SCMH1: variants seen among roughly 807,000 people sequenced by gnomAD.
SCMH1 encodes Scm polycomb group protein homolog 1, also known as polycomb protein SCMH1.
In SCMH1, 37 loss-of-function variants were observed where a neutral mutation model predicts 70.8. The observed-to-expected ratio is 0.52, with a 90% CI of 0.40 to 0.69. SCMH1 has a LOEUF of 0.69. Ranked by LOEUF, SCMH1 falls within the 30% of genes least tolerant of loss-of-function variation. The pLI is 0.00. For missense variants in SCMH1, 607 were observed against 827.3 expected (o/e 0.73, Z 3.27); for synonymous variants, 292 against 307.4 (o/e 0.95, Z 0.52).
intron 1 of SCMH1, among the ~76,000 whole-genome samples, chr1:41,217,451 T>A (rs562801881): frequency 5.9e-5 from 9 of 152,342 alleles, no homozygotes; most frequent in African/African-American, 9.6e-5. Context: ...TAGAAAATTC[T>A]CTGCCTATCC....
chr1:41,124,316 G>A (rs1672653238), intron 6 of SCMH1, among the ~76,000 whole-genome samples: 2 of 151,950 alleles, frequency 1.3e-5, no homozygotes. Flanking sequence ...TCACACTCAG[G>A]AAATTTAATT....
intron 4 of SCMH1, among the ~76,000 whole-genome samples, chr1:41,152,176 T>C (rs2148338536): frequency 6.6e-6 from 1 of 152,226 alleles, no homozygotes; most frequent in Admixed American, 6.5e-5. Context: ...GCGAGATGAT[T>C]TGAGGGGAGG....
chr1:41,028,788 C>A, intron 13 of SCMH1, 62 bp from the exon 15 acceptor site: 1 of 1,572,022 alleles, frequency 6.4e-7, no homozygotes, highest in Non-Finnish European at 8.7e-7. Flanking sequence ...CCCCACCACT[C>A]TCCTTGGCAC....
intron 1 of SCMH1, among the ~76,000 whole-genome samples, chr1:41,224,110 C>G (rs193046107): frequency 1.3e-5 from 2 of 152,248 alleles, no homozygotes; most frequent in Admixed American, 1.3e-4. Flanking sequence ...CCTCTTTCAC[C>G]TCCTCAGTCT....
chr1:41,212,104 T>TA (rs2148803182), intron 1 of SCMH1, among the ~76,000 whole-genome samples: 1 of 152,296 alleles, frequency 6.6e-6, no homozygotes, highest in Non-Finnish European at 1.5e-5. Context: ...ATGGCACATG[T>TA]ATACCTATGT....
chr1:41,092,036 T>C (rs976901731), intron 8 of SCMH1, among the ~76,000 whole-genome samples: 3 of 152,110 alleles, frequency 2.0e-5, no homozygotes, highest in African/African-American at 7.2e-5. Context: ...AAAGTTCATA[T>C]GGAACCAAAA....
At chr1:41,130,719 A>T (rs1674469588) in intron 6 of SCMH1, among the ~76,000 whole-genome samples, 1 of 152,170 alleles carries the variant, frequency 6.6e-6, no homozygotes, top group Non-Finnish European at 1.5e-5. Flanking sequence ...GTGTGCAAAC[A>T]TCACTTTATC....
At chr1:41,236,597 C>T (rs572674638) in intron 1 of SCMH1, among the ~76,000 whole-genome samples, 6 of 152,166 alleles carry the variant, frequency 3.9e-5, no homozygotes, top group East Asian at 1.9e-4. Flanking sequence ...GTTTATCTGG[C>T]GATAAGGTTA....
intron 10 of SCMH1, among the ~76,000 whole-genome samples, chr1:41,062,997 T>C (rs1029435713): frequency 6.6e-6 from 1 of 150,868 alleles, no homozygotes; most frequent in Non-Finnish European, 1.5e-5. Flanking sequence ...GCAGAAGCAG[T>C]GTTTAAAGGG....
rs1225792024 is a variant in SCMH1, at chr1:41,214,094, G to A, written c.-117-27844C>T. On this transcript the variant is annotated intron_variant, in intron 1 of 14. Transcript: ENST00000337495. ...TACTATCTCAATTACACACACATGT[G>A]CACATGCATGCACACATACATGCAC... Among the ~76,000 whole-genome samples, 4 of 152,086 alleles carry A rather than the reference G, an allele frequency of 2.6e-5. No individual in the cohort carries two copies. In the East Asian group the frequency reaches 5.8e-4, roughly 22 times the overall value.
At chr1:41,103,741 T>C (rs1237815838) in intron 8 of SCMH1, among the ~76,000 whole-genome samples, 4 of 152,176 alleles carry the variant, frequency 2.6e-5, no homozygotes, top group Admixed American at 2.6e-4. Context: ...TTCTCAGGCA[T>C]CTGGAGTTTG....
At chr1:41,114,757 A>T (rs1670042284) in intron 7 of SCMH1, among the ~76,000 whole-genome samples, 1 of 151,356 alleles carries the variant, frequency 6.6e-6, no homozygotes, top group Non-Finnish European at 1.5e-5. Context: ...GCTCACTGCA[A>T]CCTCTGCCTC....
intron 1 of SCMH1, among the ~76,000 whole-genome samples, chr1:41,234,453 CTTTTTTTTTTTTTTT>C (rs66686109): frequency 3.0e-4 from 15 of 49,358 alleles, no homozygotes; most frequent in East Asian, 7.8e-4. Context: ...AACTCTGCCT[CTTTTTTTTTTTTTTT>C]TTTTTTTTTT....
At position 41,028,540 on chromosome 1, in the gene SCMH1, T is replaced by C. The variant is rs188686145; in HGVS notation, c.1821+44A>G. ...TCGTATTGTCCCCACCAGGTGAGGC[T>C]CTCCACACAGGTTCCTACTGAGAGG... On this transcript the variant is annotated intron_variant, in intron 14 of 14. Transcript: ENST00000337495. The C allele has an allele frequency of 3.1e-6, 5 of 1,611,142 alleles. No individual in the cohort carries two copies. In the South Asian group the frequency reaches 5.5e-5, roughly 18 times the overall value.
At chr1:41,213,592 TG>T (rs1245022151) in intron 1 of SCMH1, among the ~76,000 whole-genome samples, 1 of 152,150 alleles carries the variant, frequency 6.6e-6, no homozygotes, top group Non-Finnish European at 1.5e-5. Flanking sequence ...AAGAAGAATC[TG>T]AACAAACAAG....
intron 6 of SCMH1, among the ~76,000 whole-genome samples, chr1:41,140,267 T>C (rs898478440): frequency 6.6e-6 from 1 of 150,536 alleles, no homozygotes; most frequent in East Asian, 2.0e-4. Flanking sequence ...AAGTATCAAT[T>C]TGAACCAATG....
intron 6 of SCMH1, among the ~76,000 whole-genome samples, chr1:41,121,001 AGAG>A (rs1671801561): frequency 6.6e-6 from 1 of 152,346 alleles, no homozygotes; most frequent in African/African-American, 2.4e-5. Context: ...ATCAGATACT[AGAG>A]GAGTAGCAGT....
At chr1:41,068,838 T>C (rs1430068981) in intron 10 of SCMH1, among the ~76,000 whole-genome samples, 1 of 152,128 alleles carries the variant, frequency 6.6e-6, no homozygotes, top group Non-Finnish European at 1.5e-5. Flanking sequence ...AAACTAAATA[T>C]GTAAATCTAA....
intron 5 of SCMH1, among the ~76,000 whole-genome samples, chr1:41,146,545 A>AT (rs111892459): frequency 0.033 from 4,839 of 147,196 alleles, 261 homozygotes; most frequent in African/African-American, 0.11. Context: ...TTTATACCAT[A>AT]TTTTTTTTTT....
Sources: gnomAD v4.1 joint callset for allele counts (sites outside exome capture counted in the v4.1 genomes callset) on GRCh38, gnomAD v4.1.1 for gene constraint, MANE v1.5 for transcripts, NCBI Gene and HGNC (gene_info 2026-07-23, HGNC 2026-07-21) for gene names.